The following GPHB5 variants were observed in gnomAD, a reference collection of about 807,000 sequenced individuals.
GPHB5 encodes the protein glycoprotein hormone beta-5.
GPHB5 carries 7 observed loss-of-function variants against 10.1 expected under a neutral mutation model. That is an observed-to-expected ratio of 0.69 (90% CI 0.39 to 1.30). The LOEUF is 1.30. Ranked by LOEUF, GPHB5 falls within the 50% of genes most tolerant of loss-of-function variation. The probability of loss-of-function intolerance (pLI) is 0.01; values close to 1 mark genes in which losing one functional copy is unlikely to be tolerated. For synonymous variants in GPHB5, 68 were observed against 70.1 expected, an observed-to-expected ratio of 0.97 and a Z score of 0.15; for missense variants, 161 against 169.8, an observed-to-expected ratio of 0.95 and a Z score of 0.29.
At chr14:63,315,680 C>T (rs1294030830) in intron 2 of GPHB5, among the ~76,000 whole-genome samples, 4 of 152,180 alleles carry the variant, frequency 2.6e-5, no homozygotes, top group Admixed American at 1.3e-4. Context: ...AGATCCCCCC[C>T]ACCAAAAAAT....
intron 1 of GPHB5, 53 bp from the exon 2 acceptor site, chr14:63,317,903 A>G: frequency 6.6e-6 from 10 of 1,520,776 alleles, no homozygotes; most frequent in Non-Finnish European, 7.3e-6. Flanking sequence ...GCTGCCTTCA[A>G]TGGCACAGCC....
chr14:63,317,132 G>C (rs1421217765), intron 2 of GPHB5, among the ~76,000 whole-genome samples: 3 of 152,254 alleles, frequency 2.0e-5, no homozygotes, highest in Non-Finnish European at 4.4e-5. Context: ...AGGAGGAAAA[G>C]GGCTGCAGAA....
chr14:63,317,346 T>A (rs960893225), intron 2 of GPHB5, among the ~76,000 whole-genome samples: 27 of 152,294 alleles, frequency 1.8e-4, no homozygotes, highest in Admixed American at 1.8e-3. Flanking sequence ...AATCCCTCCA[T>A]GTCATCTGTA....
chr14:63,313,826 A>C (rs894952323), intron 2 of GPHB5, among the ~76,000 whole-genome samples: 22 of 152,132 alleles, frequency 1.4e-4, no homozygotes, highest in African/African-American at 5.1e-4. Flanking sequence ...AAATTGCAAC[A>C]TTCCATCTCC....
At chr14:63,313,471 A>G (rs971732140) in intron 2 of GPHB5, among the ~76,000 whole-genome samples, 9 of 152,192 alleles carry the variant, frequency 5.9e-5, no homozygotes, top group Middle Eastern at 3.2e-3. Flanking sequence ...AACCTAAGTC[A>G]GATCATGTCA....
intron 2 of GPHB5, 25 bp from the exon 3 acceptor site, chr14:63,313,141 G>T: frequency 1.3e-6 from 2 of 1,518,406 alleles, no homozygotes; most frequent in Non-Finnish European, 8.9e-7. Flanking sequence ...AGAAAACAGA[G>T]AATTCATTAG....
intron 2 of GPHB5, among the ~76,000 whole-genome samples, chr14:63,316,432 G>C (rs1276316399): frequency 6.6e-6 from 1 of 152,178 alleles, no homozygotes; most frequent in Non-Finnish European, 1.5e-5. Flanking sequence ...TGAATGCCTT[G>C]TTCATACACG....
At chr14:63,313,338 C>G (rs1246254304) in intron 2 of GPHB5, among the ~76,000 whole-genome samples, 1 of 152,180 alleles carries the variant, frequency 6.6e-6, no homozygotes, top group Non-Finnish European at 1.5e-5. Context: ...AGCAAGTGCT[C>G]CATGCATAGT....
At chr14:63,316,507 G>A (rs45451207) in intron 2 of GPHB5, among the ~76,000 whole-genome samples, 8,397 of 152,198 alleles carry the variant, frequency 0.055, 240 homozygotes, top group Non-Finnish European at 0.07. Context: ...TTTAAATCAC[G>A]CGTGTGGTGG....
At chr14:63,316,508 C>T (rs1228488470) in intron 2 of GPHB5, among the ~76,000 whole-genome samples, 10 of 152,016 alleles carry the variant, frequency 6.6e-5, no homozygotes, top group Non-Finnish European at 1.3e-4. Context: ...TTAAATCACG[C>T]GTGTGGTGGG....
intron 2 of GPHB5, among the ~76,000 whole-genome samples, chr14:63,314,660 C>G (rs1415830532): frequency 6.6e-6 from 1 of 152,104 alleles, no homozygotes; most frequent in African/African-American, 2.4e-5. Flanking sequence ...GATCTGCCTG[C>G]CTCGGCCTCC....
In GPHB5 at chr14:63,317,633, C is replaced by G. The variant is rs762300837; in HGVS notation, c.204+13G>C. The G allele has an allele frequency of 6.2e-7, 1 of 1,613,544 alleles. No individual in the cohort carries two copies. Among genetic ancestry groups the G allele is most frequent in the Admixed American group, 1.7e-5 (1 of 60,008 alleles). On this transcript the variant is annotated intron_variant, in intron 2 of 2. Transcript: ENST00000621500. Reference sequence around the variant, plus strand: ...CTAGAAGACACTGTCATCTGCACAACTTAGCAACTCACCTCCCAGGTCTCA... The same window carrying G: ...CTAGAAGACACTGTCATCTGCACAAGTTAGCAACTCACCTCCCAGGTCTCA...
chr14:63,318,609 C>A (rs1030181127), intron 1 of GPHB5, among the ~76,000 whole-genome samples: 1 of 152,190 alleles, frequency 6.6e-6, no homozygotes, highest in East Asian at 1.9e-4. Context: ...GGTCATTCCC[C>A]GTGCTCTTTC....
chr14:63,314,388 AT>A (rs1055533908), intron 2 of GPHB5, among the ~76,000 whole-genome samples: 44 of 152,098 alleles, frequency 2.9e-4, no homozygotes, highest in African/African-American at 1.0e-3. Flanking sequence ...GCAATGCACA[AT>A]GTCTAGAACA....
rs9635248 is a variant in GPHB5 at position 63,313,604 on chromosome 14, C to T, written c.205-488G>A. ...CTCTACCTTCTGAAATGCCTGCAAC[C>T]ATTCCCACCTCACTGACTTCCTCAC... On this transcript the variant is annotated intron_variant, in intron 2 of 2. Coordinates refer to ENST00000621500, the MANE Select transcript of GPHB5 (RefSeq NM_145171.4). Among the ~76,000 whole-genome samples the T allele has an allele frequency of 2.4e-4, 37 of 152,278 alleles. 1 individual carries two copies. The East Asian group carries it at 6.8e-3, about 28-fold the overall frequency.
Position 63,313,434 on chromosome 14 carries a change from C to G in GPHB5, c.205-318G>C, listed in dbSNP as rs117653833. 4.6e-3 allele frequency among the ~76,000 whole-genome samples: 694 copies of G among 152,274 alleles called. 19 individuals are homozygous for G. Among genetic ancestry groups the G allele is most frequent in the East Asian group, 0.042 (215 of 5,178 alleles). On this transcript the variant is annotated intron_variant, in intron 2 of 2. Coordinates refer to ENST00000621500, the MANE Select transcript of GPHB5 (RefSeq NM_145171.4). ...TTTACTCCCTACAATCTATTTGCAA[C>G]ACAGCGGCCCTGAGTGATCCTGTTT...
chr14:63,314,118 C>T (rs2139683002), intron 2 of GPHB5, among the ~76,000 whole-genome samples: 1 of 152,306 alleles, frequency 6.6e-6, no homozygotes, highest in Non-Finnish European at 1.5e-5. Context: ...GATTCATTTC[C>T]TTCCTTCACC....
chr14:63,317,910 A>G, intron 1 of GPHB5, 60 bp from the exon 2 acceptor site: 1 of 1,473,852 alleles, frequency 6.8e-7, no homozygotes, highest in East Asian at 2.3e-5. Flanking sequence ...TCAATGGCAC[A>G]GCCAACCATG....
chr14:63,318,563 C>T (rs886860081), intron 1 of GPHB5, among the ~76,000 whole-genome samples: 1 of 152,176 alleles, frequency 6.6e-6, no homozygotes, highest in Non-Finnish European at 1.5e-5. Context: ...AAAACATAAC[C>T]TCAATCCACC....
Sources: gnomAD v4.1 joint callset for allele counts (sites outside exome capture counted in the v4.1 genomes callset) on GRCh38, gnomAD v4.1.1 for gene constraint, MANE v1.5 for transcripts, NCBI Gene and HGNC (gene_info 2026-07-23, HGNC 2026-07-21) for gene names.